The following DTWD2 variants were observed in gnomAD, a reference collection of about 807,000 sequenced individuals.
DTWD2 encodes the protein DTW motif tRNA-uridine aminocarboxypropyltransferase 2.
A neutral mutation model predicts 31.8 loss-of-function variants in DTWD2; 39 were observed. The observed-to-expected ratio is 1.22, with a 90% confidence interval of 0.95 to 1.60. The LOEUF is 1.60. Ranked by LOEUF, DTWD2 falls within the 40% of genes most tolerant of loss-of-function variation. The pLI, the probability that DTWD2 is intolerant of heterozygous loss-of-function variation, is 0.00. For missense variants in DTWD2, 515 were observed against 381.5 expected, an observed-to-expected ratio of 1.35 and a Z score of -2.92; for synonymous variants, 180 against 142.8, an observed-to-expected ratio of 1.26 and a Z score of -1.86.
intron 4 of DTWD2, among the ~76,000 whole-genome samples, chr5:118,848,806 GAAA>G (rs1473333572): frequency 6.6e-6 from 1 of 152,164 alleles, no homozygotes; most frequent in Non-Finnish European, 1.5e-5. Context: ...ATGGTGTTGG[GAAA>G]ACTGGCTAGC....
chr5:118,872,040 G>C (rs1212003003), intron 4 of DTWD2, among the ~76,000 whole-genome samples: 1 of 152,174 alleles, frequency 6.6e-6, no homozygotes, highest in Admixed American at 6.5e-5. Context: ...TTGTTAAAGA[G>C]ATAGCTTCTC....
intron 5 of DTWD2, among the ~76,000 whole-genome samples, chr5:118,847,761 C>T (rs750963557): frequency 6.6e-6 from 1 of 151,862 alleles, no homozygotes; most frequent in Non-Finnish European, 1.5e-5. Flanking sequence ...CACAAGAGAA[C>T]ACAAAATACC....
chr5:118,911,403 T>C (rs1187260124), intron 4 of DTWD2, among the ~76,000 whole-genome samples: 1 of 152,226 alleles, frequency 6.6e-6, no homozygotes, highest in Non-Finnish European at 1.5e-5. Context: ...TATACACTGT[T>C]GGTGGGAAAG....
In DTWD2 at chr5:118,988,419, C is replaced by G. The variant is rs299207; in HGVS notation, c.93G>C (p.Arg31=). 2.0e-3 allele frequency: 3,136 copies of G among 1,605,596 alleles called. 61 individuals carry two copies. The African/African-American group carries it at 0.036, about 18-fold the overall frequency. The part of the protein sequence containing the change: ...SSSQTPNDKE[R]REGGAVPAAA... ...CCGCCGGCACTGCGCCGCCCTCCCG[C>G]CGCTCCTTGTCGTTCGGCGTCTGAG... Residue 31 remains arginine, a synonymous_variant, in exon 1 of 6, where the codon CGG becomes CGC. Transcript: ENST00000510708.
At chr5:118,943,660 C>G (rs1022715602) in intron 2 of DTWD2, among the ~76,000 whole-genome samples, 11 of 151,978 alleles carry the variant, frequency 7.2e-5, no homozygotes, top group African/African-American at 2.4e-4. Flanking sequence ...ATTGTTTGTA[C>G]CCGGGAGGCA....
At chr5:118,886,642 T>C (rs1752874417) in intron 4 of DTWD2, among the ~76,000 whole-genome samples, 1 of 152,188 alleles carries the variant, frequency 6.6e-6, no homozygotes, top group Non-Finnish European at 1.5e-5. Context: ...AGGTGGCTAA[T>C]GGAGAGAGAA....
At chr5:118,920,383 A>G (rs546992700) in intron 4 of DTWD2, among the ~76,000 whole-genome samples, 86 of 152,230 alleles carry the variant, frequency 5.6e-4, no homozygotes, top group Middle Eastern at 3.4e-3. Context: ...ATATGAACAC[A>G]GAAAAACTTT....
intron 1 of DTWD2, chr5:118,974,515 A>C (rs909150449): frequency 2.6e-5 from 12 of 454,432 alleles, no homozygotes; most frequent in African/African-American, 2.5e-4. Flanking sequence ...TTGTGGTGTG[A>C]CCATGTTCAT....
intron 4 of DTWD2, among the ~76,000 whole-genome samples, chr5:118,849,561 A>G (rs1751948927): frequency 6.6e-6 from 1 of 152,226 alleles, no homozygotes; most frequent in Non-Finnish European, 1.5e-5. Context: ...ATTCTACTAT[A>G]AAGATGCATG....
In DTWD2 at chr5:118,963,034, G is replaced by A. The variant is rs61166636; in HGVS notation, c.219-18385C>T. On this transcript the variant is annotated intron_variant, in intron 1 of 5. Coordinates refer to ENST00000510708, the MANE Select transcript of DTWD2 (RefSeq NM_173666.4). ...AACATTTAGAGATAAATAAACAAACGTGAGGGTCTAAAGAGGATCCAGAAG... is the reference window on the plus strand; with the variant it reads ...AACATTTAGAGATAAATAAACAAACATGAGGGTCTAAAGAGGATCCAGAAG... 3.3e-3 allele frequency among the ~76,000 whole-genome samples: 495 copies of A among 152,280 alleles called. 3 individuals are homozygous for A. Among genetic ancestry groups the A allele is most frequent in the African/African-American group, 0.012 (482 of 41,558 alleles).
chr5:118,898,408 AGCACTTT>A (rs1343797365), intron 4 of DTWD2, among the ~76,000 whole-genome samples: 1 of 151,934 alleles, frequency 6.6e-6, no homozygotes, highest in Non-Finnish European at 1.5e-5. Flanking sequence ...CTGTAATCCC[AGCACTTT>A]GGGAGGCTGA....
At chr5:118,947,488 T>G (rs1281457325) in intron 1 of DTWD2, among the ~76,000 whole-genome samples, 1 of 152,162 alleles carries the variant, frequency 6.6e-6, no homozygotes, top group Non-Finnish European at 1.5e-5. Context: ...ATCCCTCTAA[T>G]GTCAAGCTGC....
At chr5:118,842,316 T>C (rs1046274186) in intron 5 of DTWD2, among the ~76,000 whole-genome samples, 5 of 152,190 alleles carry the variant, frequency 3.3e-5, no homozygotes, top group Non-Finnish European at 7.3e-5. Context: ...AAGATGTAAC[T>C]AGAAGTCCTT....
chr5:118,849,776 A>T (rs1458691554), intron 4 of DTWD2, among the ~76,000 whole-genome samples: 4 of 152,176 alleles, frequency 2.6e-5, no homozygotes, highest in Non-Finnish European at 5.9e-5. Context: ...TAACACAGGA[A>T]TCGAAAACCA....
chr5:118,975,270 G>C (rs1755126156), intron 1 of DTWD2, among the ~76,000 whole-genome samples: 3 of 151,612 alleles, frequency 2.0e-5, no homozygotes, highest in Admixed American at 6.6e-5. Flanking sequence ...TTATTTCATT[G>C]AGTTTATCTT....
chr5:118,988,028 T>C (rs1755467531), intron 1 of DTWD2: 1 of 694,728 alleles, frequency 1.4e-6, no homozygotes, highest in Non-Finnish European at 2.6e-6. Context: ...GACGCTTAAG[T>C]TTCTTGGAAA....
At chr5:118,932,815 T>C (rs1453008228) in intron 3 of DTWD2, among the ~76,000 whole-genome samples, 1 of 152,148 alleles carries the variant, frequency 6.6e-6, no homozygotes, top group African/African-American at 2.4e-5. Flanking sequence ...TCAAGAACTG[T>C]GGAAAATAAA....
At chr5:118,942,329 C>T (rs112519744) in intron 2 of DTWD2, among the ~76,000 whole-genome samples, 1 of 151,546 alleles carries the variant, frequency 6.6e-6, no homozygotes, top group Non-Finnish European at 1.5e-5. Context: ...GGCAATATAG[C>T]GAGACCCCGT....
chr5:118,978,560 G>A (rs114977467), intron 1 of DTWD2, among the ~76,000 whole-genome samples: 2,258 of 152,134 alleles, frequency 0.015, 61 homozygotes, highest in African/African-American at 0.049. Flanking sequence ...ATTAAGAAGC[G>A]GGCAAAGGAC....
Sources: allele counts gnomAD v4.1 joint callset (sites outside exome capture counted in the v4.1 genomes callset), GRCh38; gene constraint gnomAD v4.1.1; transcripts MANE v1.5; gene names NCBI Gene and HGNC (gene_info 2026-07-23, HGNC 2026-07-21).